RALGPS1: variants seen among roughly 807,000 people sequenced by gnomAD.
RALGPS1 encodes Ral GEF with PH domain and SH3 binding motif 1, also known as ras-specific guanine nucleotide-releasing factor RalGPS1.
RALGPS1 carries 19 observed loss-of-function variants against 78.8 expected under a neutral mutation model. The ratio of observed to expected loss-of-function variants is 0.24; its 90% CI spans 0.17 to 0.35. The LOEUF is 0.35. Ranked by LOEUF, RALGPS1 falls within the 10% of genes least tolerant of loss-of-function variation. RALGPS1 has a pLI of 1.00. For missense variants in RALGPS1, 454 were observed against 688.3 expected (o/e 0.66, Z 3.81); for synonymous variants, 228 against 256.3 (o/e 0.89, Z 1.06).
chr9:127,154,198 T>G (rs1056326253), intron 8 of RALGPS1, among the ~76,000 whole-genome samples: 4 of 152,230 alleles, frequency 2.6e-5, no homozygotes, highest in Non-Finnish European at 5.9e-5. Context: ...GGAATAGCGC[T>G]GCCTACAGAC....
At chr9:127,088,054 G>T (rs2051982494) in intron 8 of RALGPS1, 1 of 152,756 alleles carries the variant, frequency 6.5e-6, no homozygotes, top group South Asian at 2.1e-4. Flanking sequence ...ATCTCGCCTG[G>T]AAAGAAGGGG....
intron 7 of RALGPS1, among the ~76,000 whole-genome samples, chr9:127,062,495 A>G (rs959907215): frequency 3.3e-5 from 5 of 152,226 alleles, no homozygotes; most frequent in Non-Finnish European, 7.3e-5. Flanking sequence ...AGAGAGAACC[A>G]GTAAGATATT....
At chr9:127,071,595 T>G (rs1324723975) in intron 8 of RALGPS1, among the ~76,000 whole-genome samples, 1 of 151,156 alleles carries the variant, frequency 6.6e-6, no homozygotes, top group Non-Finnish European at 1.5e-5. Context: ...TGTGTATATG[T>G]TTTTTTTTCA....
chr9:127,011,677 C>T (rs972460049), intron 4 of RALGPS1, among the ~76,000 whole-genome samples: 1 of 152,130 alleles, frequency 6.6e-6, no homozygotes, highest in Non-Finnish European at 1.5e-5. Flanking sequence ...GTTGACTCTC[C>T]CTCTCACCCT....
At chr9:127,169,050 G>A (rs1689258329) in intron 10 of RALGPS1, among the ~76,000 whole-genome samples, 1 of 152,228 alleles carries the variant, frequency 6.6e-6, no homozygotes, top group Admixed American at 6.5e-5. Context: ...GTAAGGTGTT[G>A]TGTTAACTTC....
At chr9:126,975,680 A>G (rs934367586) in intron 3 of RALGPS1, among the ~76,000 whole-genome samples, 10 of 152,152 alleles carry the variant, frequency 6.6e-5, no homozygotes, top group Admixed American at 3.9e-4. Context: ...CTCAGGACAT[A>G]GTTCTGAGCC....
At chr9:127,098,388 G>A (rs560758797) in intron 8 of RALGPS1, among the ~76,000 whole-genome samples, 5 of 152,222 alleles carry the variant, frequency 3.3e-5, no homozygotes, top group East Asian at 1.9e-4. Flanking sequence ...AGAGTGGAGC[G>A]AGTGCTGCGA....
Position 127,017,473 on chromosome 9 carries a change from G to C in RALGPS1, c.217-16958G>C, listed in dbSNP as rs543410214. 2.0e-5 allele frequency among the ~76,000 whole-genome samples: 3 copies of C among 152,168 alleles called. No homozygotes were observed. The South Asian group carries it at 6.2e-4, about 32-fold the overall frequency. On this transcript the variant is annotated intron_variant, in intron 4 of 18. Transcript: ENST00000259351. ...CCAAGACTAGAAGTTGTTCTGGGTGGGTCAGTGGTGAGTGAATGTAAAGGC... is the reference window on the plus strand; with the variant it reads ...CCAAGACTAGAAGTTGTTCTGGGTGCGTCAGTGGTGAGTGAATGTAAAGGC...
intron 8 of RALGPS1, among the ~76,000 whole-genome samples, chr9:127,153,119 T>C (rs2058515346): frequency 6.6e-6 from 1 of 152,198 alleles, no homozygotes; most frequent in African/African-American, 2.4e-5. Flanking sequence ...TGACATAGTA[T>C]ATGTGAGTGT....
chr9:126,952,890 C>T (rs1404931620), intron 1 of RALGPS1, among the ~76,000 whole-genome samples: 5 of 152,028 alleles, frequency 3.3e-5, no homozygotes, highest in African/African-American at 4.8e-5. Context: ...GAGAGCTGCA[C>T]GTCCACACTG....
chr9:127,199,414 G>T (rs781549472), intron 14 of RALGPS1, among the ~76,000 whole-genome samples: 3 of 152,230 alleles, frequency 2.0e-5, no homozygotes, highest in Non-Finnish European at 2.9e-5. Context: ...ATGGGCATGT[G>T]GCTCCGCCTG....
Position 127,040,767 on chromosome 9 carries a change from G to A in RALGPS1, c.300+6253G>A, listed in dbSNP as rs986130936. On this transcript the variant is annotated intron_variant, in intron 5 of 18. Transcript: ENST00000259351. ...GTGTGGAGGGGAAGATAGCAATCCA[G>A]ATCCTGATCTGTTTACCATCTCTAC... Among the ~76,000 whole-genome samples the A allele has an allele frequency of 1.4e-4, 22 of 152,154 alleles. 1 individual carries two copies. The highest frequency in any genetic ancestry group is 5.1e-4 in the African/African-American group (21 of 41,428).
At chr9:127,077,525 A>C (rs1223567787) in intron 8 of RALGPS1, among the ~76,000 whole-genome samples, 1 of 152,218 alleles carries the variant, frequency 6.6e-6, no homozygotes. Flanking sequence ...TTCCCTGAAC[A>C]GGGATATGAG....
chr9:126,947,822 AG>A (rs2131631929), intron 1 of RALGPS1, among the ~76,000 whole-genome samples: 1 of 152,326 alleles, frequency 6.6e-6, no homozygotes, highest in South Asian at 2.1e-4. Flanking sequence ...CCTTGTCTAT[AG>A]AATGAAGGGT....
intron 8 of RALGPS1, among the ~76,000 whole-genome samples, chr9:127,090,087 T>C (rs1055698217): frequency 6.6e-6 from 1 of 151,570 alleles, no homozygotes; most frequent in African/African-American, 2.4e-5. Flanking sequence ...TTTCTGGGGG[T>C]CCCTCTGGGC....
intron 14 of RALGPS1, among the ~76,000 whole-genome samples, chr9:127,202,873 T>A (rs1370107602): frequency 1.3e-5 from 2 of 152,010 alleles, no homozygotes; most frequent in African/African-American, 2.4e-5. Context: ...CCCAGCACAC[T>A]CTGCTCTCCC....
chr9:127,108,558 G>A (rs763622825), intron 8 of RALGPS1: 4 of 1,613,552 alleles, frequency 2.5e-6, no homozygotes, highest in Non-Finnish European at 3.4e-6. Context: ...GGGGCACAAT[G>A]AAGGTGTAGG....
chr9:126,967,739 T>A (rs1347800512), intron 3 of RALGPS1, among the ~76,000 whole-genome samples: 2 of 151,776 alleles, frequency 1.3e-5, no homozygotes, highest in Non-Finnish European at 2.9e-5. Flanking sequence ...GATCTCACTG[T>A]GTTGCTGTGG....
chr9:127,145,615 A>T (rs549853266), intron 8 of RALGPS1, among the ~76,000 whole-genome samples: 65 of 152,322 alleles, frequency 4.3e-4, no homozygotes, highest in African/African-American at 1.5e-3. Context: ...GGAGGGCTGC[A>T]TGGAGGCACA....
Sources: gnomAD v4.1 joint callset for allele counts (sites outside exome capture counted in the v4.1 genomes callset) on GRCh38, gnomAD v4.1.1 for gene constraint, MANE v1.5 for transcripts, NCBI Gene and HGNC (gene_info 2026-07-23, HGNC 2026-07-21) for gene names.